The following CENPC variants were observed in gnomAD, a reference collection of about 807,000 sequenced individuals.
CENPC encodes CENP-C 1.
A neutral mutation model predicts 112.1 loss-of-function variants in CENPC; 63 were observed. The observed-to-expected ratio is 0.56, with a 90% CI of 0.46 to 0.69. CENPC has a LOEUF of 0.69. Ranked by LOEUF, CENPC falls within the 30% of genes least tolerant of loss-of-function variation. The pLI is 0.00. For synonymous variants in CENPC, 333 were observed against 367.6 expected (o/e 0.91, Z 1.08); for missense variants, 1,000 against 1,103.8 (o/e 0.91, Z 1.33).
chr4:67,517,244 C>T (rs1321377496), intron 7 of CENPC, among the ~76,000 whole-genome samples: 1 of 151,804 alleles, frequency 6.6e-6, no homozygotes, highest in South Asian at 2.1e-4. Flanking sequence ...TCACTGCAAC[C>T]TCCACCTCCC....
In CENPC at chr4:67,514,435, G is replaced by A. The variant is rs745384874; in HGVS notation, c.1083C>T (p.Asp361=). ...HNILPKTLAN[D]KHSHKPHPVE... is the part of the protein sequence containing the mutation. ...CTGGGTGAGGTTTATGGGAATGTTT[G>A]TCATTTGCCAAAGTCTTAGGTAATA... The change falls in exon 8 of 19, where the codon GAC becomes GAT. Residue 361 remains aspartate, a synonymous_variant. Coordinates refer to ENST00000273853, the MANE Select transcript of CENPC (RefSeq NM_001812.4). 1.2e-4 allele frequency: 191 copies of A among 1,613,432 alleles called. No individual in the cohort carries two copies. The highest frequency in any genetic ancestry group is 1.6e-4 in the Non-Finnish European group (187 of 1,179,862).
intron 13 of CENPC, 73 bp downstream of exon 13, chr4:67,495,086 T>C (rs1725392570): frequency 3.1e-6 from 4 of 1,309,346 alleles, no homozygotes; most frequent in Non-Finnish European, 4.1e-6. Flanking sequence ...TAAGAAGAAA[T>C]AAGTTATATT....
chr4:67,480,751 T>A (rs1724934539), intron 17 of CENPC, among the ~76,000 whole-genome samples: 1 of 152,188 alleles, frequency 6.6e-6, no homozygotes, highest in African/African-American at 2.4e-5. Flanking sequence ...GGCATTGCTT[T>A]ATGATTAAAA....
At chr4:67,483,665 G>C (rs534822023) in intron 17 of CENPC, among the ~76,000 whole-genome samples, 16 of 152,094 alleles carry the variant, frequency 1.1e-4, no homozygotes, top group Non-Finnish European at 2.4e-4. Flanking sequence ...TATTCCCAAA[G>C]ACCTTACAGT....
At chr4:67,544,890 A>C (rs1578012368) in intron 1 of CENPC, among the ~76,000 whole-genome samples, 1 of 152,260 alleles carries the variant, frequency 6.6e-6, no homozygotes, top group South Asian at 2.1e-4. Context: ...CCCAACTACC[A>C]AGTGTGACGC....
chr4:67,482,196 T>G (rs1195269939), intron 17 of CENPC, among the ~76,000 whole-genome samples: 4 of 151,556 alleles, frequency 2.6e-5, no homozygotes, highest in African/African-American at 9.7e-5. Context: ...ATAAGGAAAA[T>G]GCAAATCGAA....
chr4:67,474,605 C>A (rs1254738463), intron 18 of CENPC: 5 of 311,404 alleles, frequency 1.6e-5, no homozygotes, highest in African/African-American at 2.3e-5. Flanking sequence ...GTCTGAGGCA[C>A]AAGAATCGCT....
rs548065198 is a variant in CENPC at position 67,514,227 on chromosome 4, C to T, written c.1291G>A (p.Glu431Lys). The T allele has an allele frequency of 8.7e-6, 14 of 1,613,176 alleles. No homozygotes were observed. In the Admixed American group the frequency reaches 2.2e-4, roughly 25 times the overall value. The change falls in exon 8 of 19, where the codon GAA becomes AAA. Residue 431 changes from glutamate to lysine, a missense_variant. By Grantham distance (56) the Glu-to-Lys change is moderately conservative. Coordinates refer to ENST00000273853, the MANE Select transcript of CENPC (RefSeq NM_001812.4). ...GACTGTCCCACATCAAGCTGTTCTT[C>T]AGCTGGTTTAGCCATGAATTTTCTT... The part of the protein sequence containing the change: ...QRRKFMAKPA[E>K]EQLDVGQSKD...
intron 2 of CENPC, among the ~76,000 whole-genome samples, chr4:67,542,201 T>C (rs1726907871): frequency 6.6e-6 from 1 of 152,280 alleles, no homozygotes; most frequent in South Asian, 2.1e-4. Context: ...TTGTAAACCA[T>C]AGTCTCTGTC....
chr4:67,494,781 C>T (rs1318556006), intron 13 of CENPC, among the ~76,000 whole-genome samples: 4 of 152,174 alleles, frequency 2.6e-5, no homozygotes, highest in East Asian at 1.9e-4. Flanking sequence ...ACTTACTATC[C>T]TAGCTACTGC....
chr4:67,469,089 G>A lies in CENPC; in HGVS notation c.*3516C>T, dbSNP rs1724584640. The stretch of plus-strand genomic sequence containing the variant: ...TATCCTTGCCAAATTCCTGTTTTCT[G>A]CATTGTAGTTACATAGATGTAAGTA... On this transcript the variant is annotated 3_prime_UTR_variant, in exon 19 of 19. Transcript: ENST00000273853. 6.6e-6 allele frequency: 1 copy of A among 152,080 alleles called. No homozygotes were observed. The highest frequency in any genetic ancestry group is 2.4e-5 in the African/African-American group (1 of 41,416). The allele number at this position is 152,080 out of a possible 1,614,324, so 9.4% of individuals were successfully genotyped here. A position where few individuals can be genotyped will look rare whatever the true frequency, so the allele number is the denominator to read the frequency against.
At chr4:67,530,958 T>TA in intron 4 of CENPC, 44 bp from the exon 5 acceptor site, 1 of 954,322 alleles carries the variant, frequency 1.0e-6, no homozygotes, top group East Asian at 2.8e-5. Flanking sequence ...TTTATTAACT[T>TA]ACCAATTCAA....
chr4:67,522,556 G>A (rs1304211375), intron 5 of CENPC, among the ~76,000 whole-genome samples: 1 of 152,184 alleles, frequency 6.6e-6, no homozygotes, highest in Non-Finnish European at 1.5e-5. Flanking sequence ...GAGAAGGAGA[G>A]AGAGATCCAG....
chr4:67,545,282 C>A, intron 1 of CENPC, 56 bp downstream of exon 1: 1 of 1,449,496 alleles, frequency 6.9e-7, no homozygotes, highest in Non-Finnish European at 9.2e-7. Context: ...GCCTCGGGCG[C>A]CCGTGCCCCA....
At chr4:67,542,826 C>A (rs1560447119) in intron 2 of CENPC, among the ~76,000 whole-genome samples, 2 of 152,146 alleles carry the variant, frequency 1.3e-5, no homozygotes, top group Non-Finnish European at 2.9e-5. Flanking sequence ...GCACATATTG[C>A]ACAGCTATAA....
intron 17 of CENPC, 61 bp from the exon 18 acceptor site, chr4:67,475,039 C>T: frequency 1.1e-6 from 1 of 904,914 alleles, no homozygotes; most frequent in South Asian, 1.6e-5. Flanking sequence ...TTCAAAGGAA[C>T]CTTAAAATGT....
chr4:67,526,714 T>C (rs1449748734), intron 5 of CENPC, among the ~76,000 whole-genome samples: 1 of 151,980 alleles, frequency 6.6e-6, no homozygotes, highest in Non-Finnish European at 1.5e-5. Context: ...TTAAAAAAAC[T>C]ATAAACCAAT....
At chr4:67,544,403 G>A (rs1328188295) in intron 1 of CENPC, among the ~76,000 whole-genome samples, 1 of 152,070 alleles carries the variant, frequency 6.6e-6, no homozygotes, top group Non-Finnish European at 1.5e-5. Flanking sequence ...GCTTTATTCC[G>A]CTTCTCTCCC....
At chr4:67,498,901 T>A (rs779997502) in intron 12 of CENPC, among the ~76,000 whole-genome samples, 4 of 152,224 alleles carry the variant, frequency 2.6e-5, no homozygotes, top group Non-Finnish European at 4.4e-5. Flanking sequence ...TCCAGTCCCA[T>A]CAGAGGAATC....
Sources: allele counts gnomAD v4.1 joint callset (sites outside exome capture counted in the v4.1 genomes callset), GRCh38; gene constraint gnomAD v4.1.1; transcripts MANE v1.5; gene names NCBI Gene and HGNC (gene_info 2026-07-23, HGNC 2026-07-21).